The following MAGI2 variants were observed in gnomAD, a reference collection of about 807,000 sequenced individuals.
MAGI2 encodes the protein membrane associated guanylate kinase, WW and PDZ domain containing 2, also known as membrane-associated guanylate kinase, WW and PDZ domain-containing protein 2.
Under a neutral mutation model 133.3 loss-of-function variants are expected in MAGI2, and 35 were observed. The observed-to-expected ratio is 0.26, with a 90% CI of 0.20 to 0.35. MAGI2 has a LOEUF of 0.35. Among genes scored for constraint, MAGI2 ranks in the 10% least tolerant of loss-of-function variants. The pLI is 1.00. For missense variants in MAGI2, 1,636 were observed against 1,863.4 expected (o/e 0.88, Z 2.25); for synonymous variants, 729 against 710.6 (o/e 1.03, Z -0.41).
Position 79,443,285 on chromosome 7 carries a change from C to CGCGT in MAGI2, c.301+9734_301+9735insACGC, listed in dbSNP as rs1554486115. 5.7e-5 allele frequency among the ~76,000 whole-genome samples: 8 copies of CGCGT among 139,430 alleles called. No homozygotes were observed. The East Asian group carries it at 1.4e-3, about 24-fold the overall frequency. The allele number at this position is 139,430 out of a possible 152,430, so 91.5% of individuals were successfully genotyped here. A position where few individuals can be genotyped will look rare whatever the true frequency, so the allele number is the denominator to read the frequency against. ...TGAAGTGTGTGTGTGTGTGTGTGTG[C>CGCGT]GTGTGTGTGTGTGTGTGTGTGTGTG... On this transcript the variant is annotated intron_variant, in intron 1 of 21. Transcript: ENST00000354212.
At chr7:78,212,355 G>C (rs1320678206) in intron 10 of MAGI2, among the ~76,000 whole-genome samples, 1 of 152,144 alleles carries the variant, frequency 6.6e-6, no homozygotes, top group African/African-American at 2.4e-5. Context: ...TTATACAGGT[G>C]GGCCCAACCT....
At chr7:78,317,040 G>A (rs1471029923) in intron 9 of MAGI2, among the ~76,000 whole-genome samples, 2 of 151,926 alleles carry the variant, frequency 1.3e-5, no homozygotes, top group South Asian at 2.1e-4. Context: ...TTCCCAAATG[G>A]CACAACACAT....
intron 2 of MAGI2, among the ~76,000 whole-genome samples, chr7:78,789,768 T>G (rs1031662586): frequency 6.6e-6 from 1 of 152,222 alleles, no homozygotes; most frequent in Non-Finnish European, 1.5e-5. Context: ...CACCTTGTTG[T>G]GCTATCACGT....
intron 2 of MAGI2, among the ~76,000 whole-genome samples, chr7:78,839,715 C>A (rs183628930): frequency 7.2e-5 from 11 of 152,114 alleles, no homozygotes; most frequent in African/African-American, 2.4e-4. Flanking sequence ...AATTGCCTCC[C>A]ATGGGGATTA....
At position 78,160,053 on chromosome 7, in the gene MAGI2, C is replaced by T; in HGVS notation, c.2817G>A (p.Leu939=). The T allele has an allele frequency of 6.3e-7, 1 of 1,597,116 alleles. No individual in the cohort carries two copies. The highest frequency in any genetic ancestry group is 8.6e-7 in the Non-Finnish European group (1 of 1,169,298). Residue 939 remains leucine, a synonymous_variant, in exon 16 of 22, where the codon CTG becomes CTA. Transcript: ENST00000354212. ...TAGTGGATCCAGACTCAGGCCTGTT[C>T]AGGGAGCTGATGATGACAAAGCCGA... is the stretch of plus-strand genomic sequence containing the variant. ...EGFGFVIISS[L]NRPESGSTIT...
intron 1 of MAGI2, among the ~76,000 whole-genome samples, chr7:79,257,110 A>G (rs1250438398): frequency 6.6e-6 from 1 of 152,100 alleles, no homozygotes; most frequent in Non-Finnish European, 1.5e-5. Context: ...ATTCTACTAT[A>G]TATATTTCAA....
intron 1 of MAGI2, among the ~76,000 whole-genome samples, chr7:79,191,402 CTTTTTTTTTT>C (rs71095386): frequency 1.8e-4 from 4 of 22,344 alleles, no homozygotes; most frequent in African/African-American, 5.3e-4. Context: ...CTTTTTCTTT[CTTTTTTTTTT>C]TTTTTTTTTT....
chr7:78,427,310 TA>T (rs1457463482), intron 6 of MAGI2, among the ~76,000 whole-genome samples: 1 of 151,844 alleles, frequency 6.6e-6, no homozygotes, highest in Non-Finnish European at 1.5e-5. Context: ...CCAGGCTGGA[TA>T]AAAAAAGGCA....
chr7:78,656,354 C>T (rs1812273749), intron 2 of MAGI2, among the ~76,000 whole-genome samples: 1 of 152,172 alleles, frequency 6.6e-6, no homozygotes, highest in African/African-American at 2.4e-5. Context: ...AAATGTTATT[C>T]ATCCTTTAAA....
chr7:79,053,269 G>A (rs557661292), intron 1 of MAGI2, among the ~76,000 whole-genome samples: 2 of 151,924 alleles, frequency 1.3e-5, no homozygotes, highest in Non-Finnish European at 2.9e-5. Flanking sequence ...CACCCCACCC[G>A]GCTGCTATTC....
chr7:79,214,407 CTA>C (rs1196193501), intron 1 of MAGI2, among the ~76,000 whole-genome samples: 426 of 17,642 alleles, frequency 0.024, 13 homozygotes, highest in South Asian at 0.033. Context: ...CTCTCTCTCT[CTA>C]TATATATATA....
chr7:78,856,128 G>T (rs1445356979), intron 2 of MAGI2, among the ~76,000 whole-genome samples: 3 of 152,140 alleles, frequency 2.0e-5, no homozygotes, highest in Admixed American at 6.5e-5. Context: ...ATTTGTTTAA[G>T]TTCTTTGTAG....
intron 2 of MAGI2, among the ~76,000 whole-genome samples, chr7:78,792,093 C>CACT (rs1787202137): frequency 6.6e-6 from 1 of 152,018 alleles, no homozygotes. Flanking sequence ...AGCCTAGATT[C>CACT]ACTATATTAC....
intron 9 of MAGI2, among the ~76,000 whole-genome samples, chr7:78,320,084 G>A (rs1310980409): frequency 5.9e-5 from 9 of 152,128 alleles, no homozygotes; most frequent in African/African-American, 1.9e-4. Flanking sequence ...GGAAGAATTC[G>A]AATCCTTGAA....
intron 1 of MAGI2, among the ~76,000 whole-genome samples, chr7:79,202,649 G>T (rs899192154): frequency 6.6e-6 from 1 of 151,912 alleles, no homozygotes; most frequent in East Asian, 1.9e-4. Context: ...ACAAGGAAAC[G>T]TTTATTTGGG....
chr7:78,486,784 A>G (rs1793059632), intron 6 of MAGI2: 1 of 418,236 alleles, frequency 2.4e-6, no homozygotes, highest in African/African-American at 2.0e-5. Flanking sequence ...CAAGTTTGAA[A>G]TTCCTATCAT....
chr7:79,278,714 A>G (rs899928430), intron 1 of MAGI2, among the ~76,000 whole-genome samples: 1 of 152,126 alleles, frequency 6.6e-6, no homozygotes, highest in African/African-American at 2.4e-5. Context: ...TTTGAACACC[A>G]TCTCTGCTTA....
chr7:78,243,948 ATTAT>A (rs993954935), intron 10 of MAGI2, among the ~76,000 whole-genome samples: 1 of 151,956 alleles, frequency 6.6e-6, no homozygotes, highest in African/African-American at 2.4e-5. Flanking sequence ...CAGCCAATAA[ATTAT>A]TTATAAATAA....
chr7:78,648,277 G>A (rs993145016), intron 2 of MAGI2, among the ~76,000 whole-genome samples: 3 of 152,122 alleles, frequency 2.0e-5, no homozygotes, highest in Non-Finnish European at 4.4e-5. Flanking sequence ...ATGTTCACTG[G>A]CTCATCCTTG....
Sources: gnomAD v4.1 joint callset for allele counts (sites outside exome capture counted in the v4.1 genomes callset) on GRCh38, gnomAD v4.1.1 for gene constraint, MANE v1.5 for transcripts, NCBI Gene and HGNC (gene_info 2026-07-23, HGNC 2026-07-21) for gene names.